The following UNC13C variants were observed in gnomAD, a reference collection of about 807,000 sequenced individuals.
The protein encoded by UNC13C is protein unc-13 homolog C.
A neutral mutation model predicts 245.4 loss-of-function variants in UNC13C; 174 were observed. That is an observed-to-expected ratio of 0.71 (90% CI 0.63 to 0.80). The LOEUF is 0.80. UNC13C is among the 30% of genes least tolerant of loss of function. The pLI is 0.00. For missense variants in UNC13C, 2,829 were observed against 2,602.9 expected, an observed-to-expected ratio of 1.09 and a Z score of -1.89; for synonymous variants, 992 against 895.1, an observed-to-expected ratio of 1.11 and a Z score of -1.93.
intron 20 of UNC13C, 123 bp from the exon 21 acceptor site, chr15:54,499,956 C>T: frequency 2.7e-6 from 2 of 749,300 alleles, no homozygotes; most frequent in Non-Finnish European, 4.2e-6. Flanking sequence ...AGCAAAACTG[C>T]AAGAGAGAAT....
At chr15:53,976,078 CA>C (rs751272428), upstream of UNC13C, among the ~76,000 whole-genome samples, 1 of 152,112 alleles carries the variant, frequency 6.6e-6, no homozygotes, top group South Asian at 2.1e-4. Flanking sequence ...AACTACTCGT[CA>C]AAAGCCAAAA....
chr15:54,245,986 G>A (rs2035980175), intron 7 of UNC13C, among the ~76,000 whole-genome samples: 1 of 152,076 alleles, frequency 6.6e-6, no homozygotes, highest in African/African-American at 2.4e-5. Context: ...GCAAATGGAG[G>A]CAGACAAGCT....
chr15:54,463,524 G>A (rs1431680896), intron 19 of UNC13C, among the ~76,000 whole-genome samples: 2 of 151,854 alleles, frequency 1.3e-5, no homozygotes, highest in African/African-American at 4.8e-5. Flanking sequence ...CTGGAGGAGA[G>A]GAGCAAGCAA....
chr15:54,090,583 T>C lies in UNC13C; in HGVS notation c.2984-52435T>C, dbSNP rs935763331. ...CATACATTCTGGCTCAAGTTTATGC[T>C]CTTAACCAATTATGTTGTATTTAGC... On this transcript the variant is annotated intron_variant, in intron 2 of 32. Transcript: ENST00000260323. Among the ~76,000 whole-genome samples, 4 of 152,202 alleles carry C rather than the reference T, an allele frequency of 2.6e-5. No homozygotes were observed. In the East Asian group the frequency reaches 7.7e-4, roughly 29 times the overall value.
At chr15:54,142,911 T>C (rs2032088923) in intron 2 of UNC13C, 107 bp from the exon 3 acceptor site, 1 of 994,926 alleles carries the variant, frequency 1.0e-6, no homozygotes, top group South Asian at 1.4e-5. Flanking sequence ...TATTTATAAT[T>C]TTAAACAATG....
At chr15:54,094,085 T>A (rs574250382) in intron 2 of UNC13C, among the ~76,000 whole-genome samples, 1 of 152,170 alleles carries the variant, frequency 6.6e-6, no homozygotes, top group African/African-American at 2.4e-5. Context: ...AATGACTGAG[T>A]GGAGGCAGCA....
intron 17 of UNC13C, among the ~76,000 whole-genome samples, chr15:54,364,752 C>A (rs7162826): frequency 0.04 from 6,100 of 152,088 alleles, 197 homozygotes; most frequent in African/African-American, 0.086. Context: ...ACTTAATGAA[C>A]CTTATTCAAT....
intron 19 of UNC13C, among the ~76,000 whole-genome samples, chr15:54,487,626 G>T (rs2141075505): frequency 6.6e-6 from 1 of 152,060 alleles, no homozygotes. Context: ...AGTTAGCCAG[G>T]TGTAGTGACA....
At chr15:54,502,988 T>C (rs1894296483) in intron 22 of UNC13C, among the ~76,000 whole-genome samples, 1 of 152,046 alleles carries the variant, frequency 6.6e-6, no homozygotes, top group Non-Finnish European at 1.5e-5. Flanking sequence ...TATAACCAAA[T>C]GTACTGAATG....
At chr15:54,103,267 C>T (rs1221908523) in intron 2 of UNC13C, among the ~76,000 whole-genome samples, 1 of 152,172 alleles carries the variant, frequency 6.6e-6, no homozygotes, top group Non-Finnish European at 1.5e-5. Flanking sequence ...ATAGAAACAC[C>T]TGTTCTCTCA....
rs764260917 is a variant in UNC13C at position 54,622,394 on chromosome 15, G to A, written c.6174G>A (p.Thr2058=). The A allele has an allele frequency of 2.8e-5, 45 of 1,612,940 alleles. No homozygotes were observed. Among genetic ancestry groups the A allele is most frequent in the South Asian group, 1.5e-4 (14 of 91,050 alleles). The change falls in exon 31 of 33, where the codon ACG becomes ACA. Residue 2058 remains threonine (T), a synonymous_variant. Coordinates refer to ENST00000260323, the MANE Select transcript of UNC13C (RefSeq NM_001080534.3). ...TGGACATCACTGCCACCCCAGGAAC[G>A]GGAGATCATAAAGTCACTGTAAAAG... ...VHVDITATPG[T]GDHKVTVKVI... is the part of the protein sequence containing the mutation.
At chr15:54,218,827 C>G (rs1027735910) in intron 4 of UNC13C, among the ~76,000 whole-genome samples, 1 of 151,784 alleles carries the variant, frequency 6.6e-6, no homozygotes, top group Non-Finnish European at 1.5e-5. Flanking sequence ...GCAAAACATC[C>G]TATTGTAACA....
chr15:54,020,400 G>A (rs1293936169), intron 2 of UNC13C, among the ~76,000 whole-genome samples: 8 of 146,700 alleles, frequency 5.5e-5, no homozygotes, highest in Non-Finnish European at 1.0e-4. Context: ...TCAGCCTCCC[G>A]AGTAGCTGAG....
chr15:54,511,754 C>T lies in UNC13C; in HGVS notation c.5381C>T (p.Pro1794Leu), dbSNP rs1419309579. ...TAGTCTTTTTTTCTATATTTAAAGC[C>T]CTGTATCTTGATGAACAATATTCAA... ...FSSHCDKENV[P>L]CILMNNIQQL... The change falls in exon 24 of 33, where the codon CCC becomes CTC. Residue 1794 changes from proline (P) to leucine (L), a missense_variant and splice_region_variant. Coordinates refer to ENST00000260323, the MANE Select transcript of UNC13C (RefSeq NM_001080534.3). The T allele has an allele frequency of 6.2e-7, 1 of 1,601,992 alleles. No individual in the cohort carries two copies. The highest frequency in any genetic ancestry group is 8.5e-7 in the Non-Finnish European group (1 of 1,173,546).
chr15:54,277,007 G>A (rs1258137682), intron 10 of UNC13C, among the ~76,000 whole-genome samples: 1 of 151,920 alleles, frequency 6.6e-6, no homozygotes, highest in East Asian at 1.9e-4. Flanking sequence ...AACTTTTACT[G>A]TTAATTTAAA....
At chr15:54,150,846 C>G (rs2141249829) in intron 4 of UNC13C, among the ~76,000 whole-genome samples, 1 of 152,236 alleles carries the variant, frequency 6.6e-6, no homozygotes, top group East Asian at 1.9e-4. Flanking sequence ...TATTCCCAAC[C>G]AGGCTTAGTT....
the UNC13C span, among the ~76,000 whole-genome samples, chr15:53,903,846 CTACAT>C: frequency 1.9e-5 from 2 of 106,936 alleles, no homozygotes; most frequent in South Asian, 3.1e-4. Flanking sequence ...AGCTACATAG[CTACAT>C]TGGTGTTGTG....
chr15:54,403,144 A>G (rs144541499), intron 18 of UNC13C, among the ~76,000 whole-genome samples: 189 of 152,256 alleles, frequency 1.2e-3, no homozygotes, highest in African/African-American at 4.3e-3. Flanking sequence ...TCTGTTGACT[A>G]TTTACCCCAT....
intron 19 of UNC13C, among the ~76,000 whole-genome samples, chr15:54,479,648 T>C (rs906214233): frequency 6.6e-6 from 1 of 152,282 alleles, no homozygotes; most frequent in Non-Finnish European, 1.5e-5. Context: ...TCCGTTTTTC[T>C]TTATTCATCT....
Sources: gnomAD v4.1 joint callset for allele counts (sites outside exome capture counted in the v4.1 genomes callset) on GRCh38, gnomAD v4.1.1 for gene constraint, MANE v1.5 for transcripts, NCBI Gene and HGNC (gene_info 2026-07-23, HGNC 2026-07-21) for gene names.